Variants in MIGA2 observed in about 807,000 individuals in gnomAD.
MIGA2 encodes the protein family with sequence similarity 73, member B.
MIGA2 carries 36 observed loss-of-function variants against 69.9 expected under a neutral mutation model. That is an observed-to-expected ratio of 0.52 (90% CI 0.39 to 0.68). The LOEUF is 0.68. Among genes scored for constraint, MIGA2 ranks in the 30% least tolerant of loss-of-function variants. MIGA2 has a pLI of 0.00. For missense variants in MIGA2, 660 were observed against 787.7 expected (o/e 0.84, Z 1.94); for synonymous variants, 333 against 349.2 (o/e 0.95, Z 0.52).
intron 1 of MIGA2, 172 bp downstream of exon 1, chr9:129,036,853 T>C (rs1844616709): frequency 1.3e-6 from 1 of 795,776 alleles, no homozygotes; most frequent in Non-Finnish European, 1.6e-6. Flanking sequence ...GGTGCCTTGC[T>C]TGGGAGCGGA....
Position 129,061,459 on chromosome 9 carries a change from C to G in MIGA2, c.1010+113C>G, listed in dbSNP as rs924882643. 7.5e-6 allele frequency: 7 copies of G among 932,280 alleles called. No individual in the cohort carries two copies. The African/African-American group carries it at 9.8e-5, about 13-fold the overall frequency. The allele number at this position is 932,280 out of a possible 1,614,324, so 57.8% of individuals were successfully genotyped here. A position where few individuals can be genotyped will look rare whatever the true frequency, so the allele number is the denominator to read the frequency against. ...TGGCGAGGACTTAGCCTGAGTGAGTCCAGGCTGCCTGAGGGCCGTGGTGAG... is the reference window on the plus strand; with the variant it reads ...TGGCGAGGACTTAGCCTGAGTGAGTGCAGGCTGCCTGAGGGCCGTGGTGAG... On this transcript the variant is annotated intron_variant, in intron 9 of 15. Transcript: ENST00000684074. The surrounding 1 kb of genome is among the most constrained non-coding windows in gnomAD (Gnocchi z 5.0).
chr9:129,039,189 G>A (rs1023714765), intron 1 of MIGA2, among the ~76,000 whole-genome samples: 2 of 149,774 alleles, frequency 1.3e-5, no homozygotes, highest in African/African-American at 4.9e-5. Flanking sequence ...GTGTGTGTGT[G>A]TGTGTGTGTG....
Position 129,068,882 on chromosome 9 carries a change from G to C in MIGA2, c.1405-194G>C. On this transcript the variant is annotated intron_variant, in intron 13 of 15. Transcript: ENST00000684074. This position sits in a 1 kb window ranked among gnomAD's most constrained non-coding sequence, Gnocchi z 4.1. ...GAGAAGATCCAGCAGTAAGATTAGAGTCAAGATTCAAGTTTAGGTATGTCT... is the reference window on the plus strand; with the variant it reads ...GAGAAGATCCAGCAGTAAGATTAGACTCAAGATTCAAGTTTAGGTATGTCT... 1 of 669,792 alleles carries C rather than the reference G, an allele frequency of 1.5e-6. No homozygotes were observed. The highest frequency in any genetic ancestry group is 2.7e-6 in the Non-Finnish European group (1 of 373,520). The allele number at this position is 669,792 out of a possible 1,614,324, so 41.5% of individuals were successfully genotyped here.
intron 3 of MIGA2, among the ~76,000 whole-genome samples, chr9:129,044,822 C>T (rs1274132301): frequency 6.6e-6 from 1 of 151,556 alleles, no homozygotes; most frequent in Non-Finnish European, 1.5e-5. Context: ...AACTCCTGGC[C>T]TCAAGAGATC....
At chr9:129,044,287 G>T (rs1390629225) in intron 3 of MIGA2, among the ~76,000 whole-genome samples, 1 of 151,496 alleles carries the variant, frequency 6.6e-6, no homozygotes, top group Admixed American at 6.6e-5. Context: ...CACCGTGCCT[G>T]GCCCCTTCTT....
intron 1 of MIGA2, among the ~76,000 whole-genome samples, chr9:129,039,355 C>T (rs1171392795): frequency 3.4e-5 from 5 of 148,452 alleles, no homozygotes; most frequent in East Asian, 2.1e-4. Context: ...ATGCCATTCT[C>T]CTGCCTCAGC....
intron 2 of MIGA2, 97 bp from the exon 3 acceptor site, chr9:129,042,207 C>A: frequency 8.3e-7 from 1 of 1,199,090 alleles, no homozygotes; most frequent in Non-Finnish European, 1.2e-6. Flanking sequence ...GCCGGAGAGC[C>A]GGTGTGTGTC....
chr9:129,042,057 G>A (rs1321314409), intron 2 of MIGA2: 8 of 534,322 alleles, frequency 1.5e-5, no homozygotes, highest in Non-Finnish European at 2.8e-5. Context: ...CATGACTGAG[G>A]GTGCTGGCCC....
Position 129,069,547 on chromosome 9 carries a change from C to A in MIGA2, c.1459-302C>A. ...GCTATCTGGCCTGTGGTTTGTCGTT[C>A]CCCTCTGCGGGCCAGGCTCTGTTGC... On this transcript the variant is annotated intron_variant, in intron 14 of 15. Coordinates refer to ENST00000684074, the MANE Select transcript of MIGA2 (RefSeq NM_001329990.2). The surrounding 1 kb of genome is among the most constrained non-coding windows in gnomAD (Gnocchi z 4.9). 1.9e-6 allele frequency: 1 copy of A among 524,820 alleles called. No individual in the cohort carries two copies. The highest frequency in any genetic ancestry group is 3.4e-5 in the East Asian group (1 of 29,176). The allele number at this position is 524,820 out of a possible 1,614,324, so 32.5% of individuals were successfully genotyped here.
chr9:129,056,268 C>A (rs1024237146), intron 6 of MIGA2, among the ~76,000 whole-genome samples: 5 of 152,104 alleles, frequency 3.3e-5, no homozygotes, highest in African/African-American at 9.7e-5. Context: ...CACTGGACAG[C>A]ACTGCTCTAG....
intron 11 of MIGA2, among the ~76,000 whole-genome samples, chr9:129,064,384 T>A (rs1463755222): frequency 6.6e-6 from 1 of 152,004 alleles, no homozygotes; most frequent in Non-Finnish European, 1.5e-5. Context: ...TTTTTTTGTA[T>A]TTTTAGTAGA....
At chr9:129,036,897 C>T (rs902868724) in intron 1 of MIGA2, 7 of 989,264 alleles carry the variant, frequency 7.1e-6, no homozygotes, top group Middle Eastern at 3.8e-4. Flanking sequence ...AGGTGATGCC[C>T]GGGCCTGGAA....
rs1846065659 is a variant in MIGA2, at chr9:129,061,457, G to A, written c.1010+111G>A. The A allele has an allele frequency of 2.7e-5, 26 of 953,642 alleles. No homozygotes were observed. In the South Asian group the frequency reaches 3.8e-4, roughly 14 times the overall value. 59.1% of individuals were successfully genotyped at this position (953,642 alleles called of 1,614,324 possible). The stretch of plus-strand genomic sequence containing the variant: ...CTTGGCGAGGACTTAGCCTGAGTGA[G>A]TCCAGGCTGCCTGAGGGCCGTGGTG... On this transcript the variant is annotated intron_variant, in intron 9 of 15. Coordinates refer to ENST00000684074, the MANE Select transcript of MIGA2 (RefSeq NM_001329990.2). The surrounding 1 kb of genome is among the most constrained non-coding windows in gnomAD (Gnocchi z 5.0).
intron 3 of MIGA2, among the ~76,000 whole-genome samples, chr9:129,047,712 C>T (rs1243299006): frequency 1.3e-5 from 2 of 151,842 alleles, no homozygotes; most frequent in African/African-American, 4.8e-5. Context: ...CCAGCCCATC[C>T]TAAAAAAATT....
chr9:129,069,977 G>T lies in MIGA2; in HGVS notation c.1575+12G>T, dbSNP rs773340894. 7.6e-6 allele frequency: 12 copies of T among 1,579,018 alleles called. No individual in the cohort carries two copies. The highest frequency in any genetic ancestry group is 9.5e-6 in the Non-Finnish European group (11 of 1,158,990). ...GTGCTTTCTTCAAGGTAAACAGAGA[G>T]CAGTTCTCGTTCTTTCCTGACCCTT... On this transcript the variant is annotated intron_variant, in intron 15 of 15. Coordinates refer to ENST00000684074, the MANE Select transcript of MIGA2 (RefSeq NM_001329990.2). The surrounding 1 kb of genome is among the most constrained non-coding windows in gnomAD (Gnocchi z 4.9).
intron 3 of MIGA2, 67 bp downstream of exon 3, chr9:129,042,581 T>C: frequency 6.8e-7 from 1 of 1,478,880 alleles, no homozygotes; most frequent in Non-Finnish European, 9.1e-7. Flanking sequence ...CCCAGCTGGG[T>C]CACTCTCTAC....
rs184997028 is a variant in MIGA2, at chr9:129,061,415, C to T, written c.1010+69C>T. ...GGGTGATTCTGGCCCTTGCGGGAGG[C>T]GGAGAAGCCAGCGGTGCTTGGCGAG... is the stretch of plus-strand genomic sequence containing the variant. On this transcript the variant is annotated intron_variant, in intron 9 of 15. Coordinates refer to ENST00000684074, the MANE Select transcript of MIGA2 (RefSeq NM_001329990.2). This position sits in a 1 kb window ranked among gnomAD's most constrained non-coding sequence, Gnocchi z 5.0. 1,710 of 1,408,458 alleles carry T rather than the reference C, an allele frequency of 1.2e-3. 14 individuals carry two copies. In the African/African-American group the frequency reaches 0.021, roughly 17 times the overall value. 87.2% of individuals were successfully genotyped at this position (1,408,458 alleles called of 1,614,324 possible). A position where few individuals can be genotyped will look rare whatever the true frequency, so the allele number is the denominator to read the frequency against.
rs908248281 is a variant in MIGA2, at chr9:129,061,933, T to G, written c.1010+587T>G. On this transcript the variant is annotated intron_variant, in intron 9 of 15. Coordinates refer to ENST00000684074, the MANE Select transcript of MIGA2 (RefSeq NM_001329990.2). The surrounding 1 kb of genome is among the most constrained non-coding windows in gnomAD (Gnocchi z 5.0). Reference sequence around the variant, plus strand: ...CTCAGTTTCTTTGTCTGTGGTTATGTTTAGGCCTCTTCACTATCTTATATT... The same window carrying G: ...CTCAGTTTCTTTGTCTGTGGTTATGGTTAGGCCTCTTCACTATCTTATATT... 6.6e-6 allele frequency among the ~76,000 whole-genome samples: 1 copy of G among 152,216 alleles called. No homozygotes were observed. Among genetic ancestry groups the G allele is most frequent in the Admixed American group, 6.5e-5 (1 of 15,280 alleles).
chr9:129,038,054 G>A (rs895259138), intron 1 of MIGA2, among the ~76,000 whole-genome samples: 5 of 152,196 alleles, frequency 3.3e-5, no homozygotes, highest in Admixed American at 2.0e-4. Context: ...TGATGTTCTT[G>A]TCTTCCCTCT....
Sources: gnomAD v4.1 joint callset for allele counts (sites outside exome capture counted in the v4.1 genomes callset) on GRCh38, gnomAD v4.1.1 for gene constraint, Gnocchi (gnomAD v3.1) non-coding constraint, MANE v1.5 for transcripts, NCBI Gene and HGNC (gene_info 2026-07-23, HGNC 2026-07-21) for gene names.